LDLRAD4: variants seen among roughly 807,000 people sequenced by gnomAD.
The protein encoded by LDLRAD4 is low density lipoprotein receptor class A domain containing 4, also known as low-density lipoprotein receptor class A domain-containing protein 4.
A neutral mutation model predicts 17.0 loss-of-function variants in LDLRAD4; 5 were observed. The ratio of observed to expected loss-of-function variants is 0.29; its 90% CI spans 0.15 to 0.62. LDLRAD4 has a LOEUF of 0.62. LDLRAD4 is among the 20% of genes least tolerant of loss of function. The probability of loss-of-function intolerance (pLI) is 0.84; values close to 1 mark genes in which losing one functional copy is unlikely to be tolerated. For synonymous variants in LDLRAD4, 168 were observed against 171.8 expected (o/e 0.98, Z 0.17); for missense variants, 340 against 424.7 (o/e 0.80, Z 1.75).
chr18:13,294,483 G>C (rs575982377), intron 1 of LDLRAD4, among the ~76,000 whole-genome samples: 1 of 152,226 alleles, frequency 6.6e-6, no homozygotes, highest in Non-Finnish European at 1.5e-5. Context: ...AGTGAGTTAC[G>C]TCTTTTCTTT....
In LDLRAD4 at chr18:13,401,772, C is replaced by T. The variant is rs986107967; in HGVS notation, c.40+14010C>T. On this transcript the variant is annotated intron_variant, in intron 2 of 5. Transcript: ENST00000359446. ...CCTGGGTTCACTTCTAAGCTGGACC[C>T]GCCTTGGGGACTCTGAGGCTTTTTC... 7.2e-5 allele frequency among the ~76,000 whole-genome samples: 11 copies of T among 152,320 alleles called. No homozygotes were observed. The South Asian group carries it at 8.3e-4, about 11-fold the overall frequency.
intron 1 of LDLRAD4, among the ~76,000 whole-genome samples, chr18:13,347,838 A>G (rs549633142): frequency 1.4e-4 from 22 of 152,194 alleles, no homozygotes; most frequent in Non-Finnish European, 2.5e-4. Context: ...TCCGTCACTG[A>G]TACCCTTTCT....
intron 3 of LDLRAD4, among the ~76,000 whole-genome samples, chr18:13,463,679 A>AG (rs1469313815): frequency 6.6e-6 from 1 of 152,168 alleles, no homozygotes; most frequent in Non-Finnish European, 1.5e-5. Flanking sequence ...GTCACCCAAC[A>AG]GCGTATAGCA....
rs746268961 is a variant in LDLRAD4 at position 13,444,825 on chromosome 18, C to A, written c.181+6441C>A. ...ATTATTTTAGAAAACTCAAGCCTGA[C>A]CAGAGGATGAAAAAGGCTTTTGCTT... On this transcript the variant is annotated intron_variant, in intron 3 of 5. Coordinates refer to ENST00000359446, the Ensembl canonical transcript of LDLRAD4. Among the ~76,000 whole-genome samples the A allele has an allele frequency of 7.9e-5, 12 of 152,138 alleles. 1 individual carries two copies. Among genetic ancestry groups the A allele is most frequent in the Admixed American group, 2.0e-4 (3 of 15,284 alleles).
chr18:13,428,920 G>A (rs1462623770), intron 2 of LDLRAD4, among the ~76,000 whole-genome samples: 3 of 152,172 alleles, frequency 2.0e-5, no homozygotes, highest in Non-Finnish European at 4.4e-5. Flanking sequence ...CAAGTGACTG[G>A]AGGAGTCTGG....
intron 1 of LDLRAD4, among the ~76,000 whole-genome samples, chr18:13,251,926 C>G (rs1017928611): frequency 7.2e-5 from 11 of 152,166 alleles, no homozygotes; most frequent in African/African-American, 2.7e-4. Context: ...TCTCCTTGGT[C>G]TTCAAAACAA....
chr18:13,508,121 A>C (rs928703606), intron 3 of LDLRAD4, among the ~76,000 whole-genome samples: 1 of 152,272 alleles, frequency 6.6e-6, no homozygotes, highest in Non-Finnish European at 1.5e-5. Flanking sequence ...AACCAGCCAC[A>C]ACATTCCCTT....
intron 1 of LDLRAD4, among the ~76,000 whole-genome samples, chr18:13,227,821 C>T (rs909273619): frequency 1.3e-5 from 2 of 152,218 alleles, no homozygotes; most frequent in African/African-American, 2.4e-5. Flanking sequence ...GAACCACTCT[C>T]ATGATCTATT....
intron 1 of LDLRAD4, among the ~76,000 whole-genome samples, chr18:13,332,752 T>G (rs928668625): frequency 2.4e-4 from 37 of 152,056 alleles, no homozygotes; most frequent in Non-Finnish European, 5.0e-4. Context: ...TTGTTTTTTT[T>G]TTTTGGTGGT....
intron 3 of LDLRAD4, among the ~76,000 whole-genome samples, chr18:13,454,593 A>C (rs769565824): frequency 6.6e-6 from 1 of 152,246 alleles, no homozygotes; most frequent in African/African-American, 2.4e-5. Flanking sequence ...GCCAGAGGCT[A>C]TCTGCTTACA....
intron 4 of LDLRAD4, among the ~76,000 whole-genome samples, chr18:13,625,834 T>TC (rs1568425357): frequency 1.0e-5 from 1 of 95,658 alleles, no homozygotes; most frequent in South Asian, 4.4e-4. Flanking sequence ...AGAGCCCTCC[T>TC]CCCCCCACCA....
chr18:13,604,529 A>G (rs756445200), intron 3 of LDLRAD4, among the ~76,000 whole-genome samples: 17 of 152,208 alleles, frequency 1.1e-4, no homozygotes, highest in Non-Finnish European at 5.9e-5. Flanking sequence ...TGGGGTTAAA[A>G]ACTGAGAACT....
intron 3 of LDLRAD4, among the ~76,000 whole-genome samples, chr18:13,439,639 C>T (rs1038212317): frequency 3.9e-5 from 6 of 152,222 alleles, no homozygotes; most frequent in African/African-American, 1.2e-4. Context: ...GGCCTGCAGG[C>T]CCCTGCTCCC....
chr18:13,620,915 G>A (rs1167144433), intron 3 of LDLRAD4: 1 of 683,230 alleles, frequency 1.5e-6, no homozygotes, highest in Non-Finnish European at 2.5e-6. Flanking sequence ...GCTCCCCGCA[G>A]CTGGTTTGCA....
intron 3 of LDLRAD4, chr18:13,615,585 G>A (rs2039997386): frequency 6.6e-6 from 1 of 152,244 alleles, no homozygotes; most frequent in East Asian, 1.9e-4. Flanking sequence ...TTCTGTTCCT[G>A]TAATTCTCCA....
intron 3 of LDLRAD4, among the ~76,000 whole-genome samples, chr18:13,531,139 A>G (rs908468313): frequency 2.6e-5 from 4 of 152,202 alleles, no homozygotes; most frequent in African/African-American, 9.7e-5. Flanking sequence ...GGACCAGCCC[A>G]GTCCTGGAGG....
intron 3 of LDLRAD4, among the ~76,000 whole-genome samples, chr18:13,604,032 G>A (rs371150991): frequency 3.3e-4 from 50 of 152,340 alleles, no homozygotes; most frequent in African/African-American, 1.0e-3. Context: ...TGTGTGTCAG[G>A]CTAGTCTTAA....
In LDLRAD4 at chr18:13,618,845, C is replaced by T. The variant is rs112190329; in HGVS notation, c.182-2272C>T. Among the ~76,000 whole-genome samples the T allele has an allele frequency of 4.0e-3, 602 of 152,332 alleles. 1 individual carries two copies. The highest frequency in any genetic ancestry group is 0.014 in the African/African-American group (574 of 41,590). On this transcript the variant is annotated intron_variant, in intron 3 of 5. Coordinates refer to ENST00000359446, the Ensembl canonical transcript of LDLRAD4. ...CTTGTTTACCTAGGAACACAGTCTT[C>T]GACTTCGGGGTTCAGCCCTCACCAC...
At chr18:13,298,557 G>A (rs1013775860) in intron 1 of LDLRAD4, among the ~76,000 whole-genome samples, 1 of 149,720 alleles carries the variant, frequency 6.7e-6, no homozygotes, top group Admixed American at 6.6e-5. Flanking sequence ...GAGCTGCTCT[G>A]GGCACGGTGA....
Sources: gnomAD v4.1 joint callset for allele counts (sites outside exome capture counted in the v4.1 genomes callset) on GRCh38, gnomAD v4.1.1 for gene constraint, MANE v1.5 for transcripts, NCBI Gene and HGNC (gene_info 2026-07-23, HGNC 2026-07-21) for gene names.